STK3: variants seen among roughly 807,000 people sequenced by gnomAD.
STK3 encodes serine/threonine kinase 3, also known as serine/threonine-protein kinase 3.
Under a neutral mutation model 58.0 loss-of-function variants are expected in STK3, and 41 were observed. The observed-to-expected ratio is 0.71, with a 90% CI of 0.55 to 0.92. The LOEUF (loss-of-function observed/expected upper bound fraction) is 0.92. Ranked by LOEUF, STK3 falls within the 40% of genes least tolerant of loss-of-function variation. The pLI is 0.00. For missense variants in STK3, 479 were observed against 602.7 expected (o/e 0.79, Z 2.15); for synonymous variants, 170 against 191.0 (o/e 0.89, Z 0.91).
intron 6 of STK3, among the ~76,000 whole-genome samples, chr8:98,671,022 A>G (rs1822793107): frequency 6.6e-6 from 1 of 152,222 alleles, no homozygotes. Context: ...TGCTCCTGCG[A>G]GCCCAGCAAA....
At chr8:98,760,712 C>CT (rs1213559956) in intron 3 of STK3, among the ~76,000 whole-genome samples, 5 of 137,254 alleles carry the variant, frequency 3.6e-5, no homozygotes, top group East Asian at 4.7e-4. Flanking sequence ...TTCTCGTTTT[C>CT]TTTTTTTTGA....
chr8:98,479,414 G>A (rs1821646244), intron 10 of STK3, among the ~76,000 whole-genome samples: 1 of 149,932 alleles, frequency 6.7e-6, no homozygotes, highest in South Asian at 2.1e-4. Context: ...TTGAGTCCGG[G>A]AGGTGGAGGT....
intron 1 of STK3, among the ~76,000 whole-genome samples, chr8:98,930,435 T>C (rs1278901188): frequency 6.6e-6 from 1 of 152,216 alleles, no homozygotes; most frequent in Non-Finnish European, 1.5e-5. Context: ...TACTGAATAA[T>C]ACAGTTCACA....
At chr8:98,641,221 T>C (rs138427451) in intron 6 of STK3, among the ~76,000 whole-genome samples, 119 of 152,288 alleles carry the variant, frequency 7.8e-4, no homozygotes, top group South Asian at 1.9e-3. Context: ...AGCTCTTTTA[T>C]TTCCATTTTT....
intron 2 of STK3, among the ~76,000 whole-genome samples, chr8:98,769,641 T>C (rs149651125): frequency 1.3e-5 from 2 of 152,370 alleles, no homozygotes; most frequent in Non-Finnish European, 2.9e-5. Context: ...ACAAATAGTA[T>C]ACTGATGGTC....
intron 6 of STK3, among the ~76,000 whole-genome samples, chr8:98,662,513 A>AT (rs897876621): frequency 2.0e-5 from 3 of 152,088 alleles, no homozygotes; most frequent in African/African-American, 7.2e-5. Context: ...TATTGGAGGG[A>AT]TTTTTTTAAC....
chr8:98,396,268 C>A (rs1027466437), intron 3 of STK3, among the ~76,000 whole-genome samples: 1 of 152,222 alleles, frequency 6.6e-6, no homozygotes, highest in African/African-American at 2.4e-5. Context: ...AGATGTTTTA[C>A]ATAAAATTAA....
chr8:98,912,732 G>A (rs1431936728), intron 1 of STK3, among the ~76,000 whole-genome samples: 1 of 152,162 alleles, frequency 6.6e-6, no homozygotes, highest in African/African-American at 2.4e-5. Context: ...TTTAAGAAAA[G>A]AAGTCTTCCA....
At chr8:98,711,874 T>C (rs985079827) in intron 4 of STK3, among the ~76,000 whole-genome samples, 38 of 152,024 alleles carry the variant, frequency 2.5e-4, no homozygotes, top group Non-Finnish European at 3.1e-4. Flanking sequence ...ATGTTAACAG[T>C]AGCCAGAGAG....
the STK3 span, among the ~76,000 whole-genome samples, chr8:98,354,015 G>A: frequency 3.9e-5 from 6 of 152,318 alleles, no homozygotes; most frequent in East Asian, 9.6e-4. Context: ...ATTTGGGGCA[G>A]GCCTGAGCCT....
intron 10 of STK3, among the ~76,000 whole-genome samples, chr8:98,501,007 C>T (rs1823543127): frequency 6.6e-6 from 1 of 152,174 alleles, no homozygotes; most frequent in Admixed American, 6.5e-5. Flanking sequence ...AATGGTTGAA[C>T]TAGTTTACAC....
chr8:98,455,937 G>A lies in STK3; in HGVS notation c.1381C>T (p.Arg461Trp), dbSNP rs200670480. 3.0e-5 allele frequency: 49 copies of A among 1,612,932 alleles called. No individual in the cohort carries two copies. The East Asian group carries it at 6.0e-4, about 20-fold the overall frequency. The stretch of plus-strand genomic sequence containing the variant: ...CTCTGACGAAGTTCTTCTATCTCCC[G>A]TTCCATCATGGGGTCCAGTGCTTTT... ...RLKALDPMME[R>W]EIEELRQRYT... is the part of the protein sequence containing the mutation. The change falls in exon 11 of 11, where the codon CGG (arginine) becomes TGG (tryptophan). Residue 461 changes from arginine (R) to tryptophan (W), a missense_variant. Arg to Trp is a moderately radical substitution (Grantham distance 101). Coordinates refer to ENST00000419617, the MANE Select transcript of STK3 (RefSeq NM_006281.4).
intron 1 of STK3, among the ~76,000 whole-genome samples, chr8:98,794,745 A>C (rs551542435): frequency 6.6e-6 from 1 of 152,204 alleles, no homozygotes; most frequent in African/African-American, 2.4e-5. Context: ...CCTGATGAAC[A>C]TAAGACACAA....
intron 1 of STK3, chr8:98,904,925 C>T (rs1838830897): frequency 1.4e-6 from 1 of 703,972 alleles, no homozygotes; most frequent in Non-Finnish European, 2.7e-6. Flanking sequence ...GGGACATGGT[C>T]TGCTCTGCCT....
At chr8:98,845,941 T>C (rs1179835527) in intron 3 of STK3, among the ~76,000 whole-genome samples, 1 of 152,202 alleles carries the variant, frequency 6.6e-6, no homozygotes, top group Non-Finnish European at 1.5e-5. Context: ...CTTTAAGCCA[T>C]GGTCAAGAAA....
intron 6 of STK3, chr8:98,633,853 T>A (rs1414799338): frequency 2.4e-6 from 1 of 418,134 alleles, no homozygotes; most frequent in African/African-American, 2.0e-5. Context: ...CTTGAAGTCA[T>A]CAAAAAACCC....
intron 4 of STK3, among the ~76,000 whole-genome samples, chr8:98,708,678 C>T (rs891644799): frequency 6.6e-6 from 1 of 152,198 alleles, no homozygotes; most frequent in Non-Finnish European, 1.5e-5. Flanking sequence ...ATTCTTAAAA[C>T]AACCTTGTAA....
At chr8:98,353,730 A>G in the STK3 span, among the ~76,000 whole-genome samples, 1 of 152,232 alleles carries the variant, frequency 6.6e-6, no homozygotes, top group African/African-American at 2.4e-5. Flanking sequence ...GAAAATTAGG[A>G]TATCACCAAC....
At chr8:98,479,576 T>C (rs976700734) in intron 10 of STK3, among the ~76,000 whole-genome samples, 7 of 151,550 alleles carry the variant, frequency 4.6e-5, no homozygotes, top group African/African-American at 1.5e-4. Flanking sequence ...GACTAACTCT[T>C]TTGCAGATAA....
Sources: gnomAD v4.1 joint callset for allele counts (sites outside exome capture counted in the v4.1 genomes callset) on GRCh38, gnomAD v4.1.1 for gene constraint, MANE v1.5 for transcripts, NCBI Gene and HGNC (gene_info 2026-07-23, HGNC 2026-07-21) for gene names.